Variants in PPEF1 observed in about 807,000 individuals in gnomAD.
PPEF1 encodes the protein serine/threonine-protein phosphatase with EF-hands 1.
PPEF1 carries 12 observed loss-of-function variants against 53.3 expected under a neutral mutation model. The observed-to-expected ratio is 0.23, with a 90% CI of 0.14 to 0.36. PPEF1 has a LOEUF of 0.36. PPEF1 is among the 10% of genes least tolerant of loss of function. PPEF1 has a pLI of 1.00. For synonymous variants in PPEF1, 165 were observed against 176.7 expected (o/e 0.93, Z 0.52); for missense variants, 334 against 490.4 (o/e 0.68, Z 3.01).
rs142716113 is a variant in PPEF1, at chrX:18,824,001, C to T, written c.1580C>T (p.Ser527Leu). The T allele has an allele frequency of 1.8e-5, 22 of 1,205,750 alleles. No homozygotes were observed. In the African/African-American group the frequency reaches 2.8e-4, roughly 15 times the overall value. ...GLNLPWRSLS[S>L]NLVNIDQNGN... ...AACTTACCATGGAGATCCCTCAGTT[C>T]GAATCTGGTAAACATAGACCAAAAT... Residue 527 changes from serine (S) to leucine (L), a missense_variant, in exon 14 of 16, where the codon TCG becomes TTG. Physicochemically the swap from Ser to Leu is moderately radical, Grantham distance 145. Transcript: ENST00000470157.
chrX:18,760,805 A>G (rs1602422705), intron 5 of PPEF1, among the ~76,000 whole-genome samples: 19 of 67,418 alleles, frequency 2.8e-4, no homozygotes, highest in East Asian at 8.7e-4. Flanking sequence ...TTTGAGATGG[A>G]GTCTTGCTCT....
At chrX:18,697,230 C>A (rs991996842) in intron 4 of PPEF1, among the ~76,000 whole-genome samples, 1 of 111,659 alleles carries the variant, frequency 9.0e-6, no homozygotes, top group Non-Finnish European at 1.9e-5. Flanking sequence ...AAGGCAGGAG[C>A]AAAGAAAGTA....
intron 1 of PPEF1, among the ~76,000 whole-genome samples, chrX:18,715,495 C>G (rs1283200937): frequency 1.8e-5 from 2 of 111,424 alleles, no homozygotes; most frequent in Non-Finnish European, 3.8e-5. Context: ...GATCATGCCA[C>G]TGCACTCCAG....
chrX:18,821,112 A>G (rs1419333590), intron 13 of PPEF1, among the ~76,000 whole-genome samples: 2 of 106,582 alleles, frequency 1.9e-5, no homozygotes, highest in African/African-American at 3.4e-5. Context: ...AGTCCCAGCT[A>G]CTCGGGAGGC....
At chrX:18,811,954 T>A (rs1358183894) in intron 12 of PPEF1, among the ~76,000 whole-genome samples, 1 of 111,124 alleles carries the variant, frequency 9.0e-6, no homozygotes, top group South Asian at 3.9e-4. Flanking sequence ...TTCTGTGGGA[T>A]CTCTTATCCC....
intron 7 of PPEF1, 61 bp downstream of exon 7, chrX:18,779,237 A>G: frequency 1.9e-6 from 2 of 1,025,932 alleles, no homozygotes; most frequent in Non-Finnish European, 2.7e-6. Context: ...ATGCTGCCAT[A>G]TTTAATTCCT....
chrX:18,755,374 C>T (rs912253274), intron 4 of PPEF1, among the ~76,000 whole-genome samples: 48 of 111,751 alleles, frequency 4.3e-4, no homozygotes, highest in African/African-American at 1.4e-3. Context: ...CAAGACCAGC[C>T]TGGTCAACAT....
chrX:18,742,217 G>T (rs2045190886), intron 3 of PPEF1, among the ~76,000 whole-genome samples: 1 of 111,952 alleles, frequency 8.9e-6, no homozygotes, highest in African/African-American at 3.2e-5. Context: ...CCATTCGATT[G>T]TGTATGGGCA....
chrX:18,813,378 C>CAA (rs953412612), intron 12 of PPEF1, among the ~76,000 whole-genome samples: 672 of 30,663 alleles, frequency 0.022, 18 homozygotes, highest in African/African-American at 0.065. Flanking sequence ...GACTCCGTCT[C>CAA]AAAAAAAAAA....
intron 12 of PPEF1, among the ~76,000 whole-genome samples, chrX:18,807,015 G>T (rs73636688): frequency 0.12 from 2,685 of 22,615 alleles, 106 homozygotes; most frequent in African/African-American, 0.38. Context: ...TTTTTTTTTT[G>T]TTTGTTTTTT....
chrX:18,760,384 C>G (rs914280179), intron 5 of PPEF1, among the ~76,000 whole-genome samples: 1 of 111,073 alleles, frequency 9.0e-6, no homozygotes, highest in African/African-American at 3.3e-5. Flanking sequence ...TACCTACTCA[C>G]AAAGTTTAAA....
intron 4 of PPEF1, among the ~76,000 whole-genome samples, chrX:18,755,131 T>A (rs1265492796): frequency 1.8e-5 from 2 of 110,258 alleles, no homozygotes; most frequent in Non-Finnish European, 3.8e-5. Flanking sequence ...TCTGACTTTA[T>A]AAAAATGAAA....
At chrX:18,721,717 A>G (rs1266894023) in intron 1 of PPEF1, among the ~76,000 whole-genome samples, 1 of 111,523 alleles carries the variant, frequency 9.0e-6, no homozygotes, top group Non-Finnish European at 1.9e-5. Context: ...CCCCATGTGG[A>G]TGGGGTTGGT....
chrX:18,785,509 C>T (rs960114860), intron 9 of PPEF1, among the ~76,000 whole-genome samples: 14 of 110,617 alleles, frequency 1.3e-4, no homozygotes, highest in African/African-American at 4.6e-4. Context: ...ACCTCACCAA[C>T]TGATGATGAT....
intron 10 of PPEF1, among the ~76,000 whole-genome samples, chrX:18,798,583 C>T (rs1451357257): frequency 9.0e-6 from 1 of 111,186 alleles, no homozygotes; most frequent in Non-Finnish European, 1.9e-5. Context: ...AGGAGGAAGG[C>T]ATTTAAAGAA....
At chrX:18,745,525 G>A (rs1235008611) in intron 3 of PPEF1, among the ~76,000 whole-genome samples, 1 of 109,717 alleles carries the variant, frequency 9.1e-6, no homozygotes, top group African/African-American at 3.3e-5. Flanking sequence ...ATTTTCTTGG[G>A]TGTAGGTATT....
chrX:18,817,999 G>T (rs778723354), intron 12 of PPEF1, 40 bp from the exon 13 acceptor site: 1 of 982,195 alleles, frequency 1.0e-6, no homozygotes, highest in Admixed American at 2.7e-5. Flanking sequence ...ACAACAGGAT[G>T]ATTTATGTTA....
intron 1 of PPEF1, among the ~76,000 whole-genome samples, chrX:18,725,334 A>T (rs936213191): frequency 8.9e-6 from 1 of 111,784 alleles, no homozygotes; most frequent in Non-Finnish European, 1.9e-5. Flanking sequence ...ACTTGCAAGG[A>T]GGGTCCCACA....
intron 1 of PPEF1, among the ~76,000 whole-genome samples, chrX:18,720,015 A>G (rs1356583897): frequency 2.7e-5 from 3 of 111,819 alleles, no homozygotes; most frequent in Non-Finnish European, 5.6e-5. Flanking sequence ...TGAGCACCAC[A>G]TGCCTTCTGA....
Sources: gnomAD v4.1 joint callset for allele counts (sites outside exome capture counted in the v4.1 genomes callset) on GRCh38, gnomAD v4.1.1 for gene constraint, MANE v1.5 for transcripts, NCBI Gene and HGNC (gene_info 2026-07-23, HGNC 2026-07-21) for gene names.